FHL2: variants seen among roughly 807,000 people sequenced by gnomAD.
FHL2 encodes four and a half LIM domains protein 2.
A neutral mutation model predicts 32.7 loss-of-function variants in FHL2; 20 were observed. The observed-to-expected ratio is 0.61, with a 90% CI of 0.43 to 0.89. The LOEUF (loss-of-function observed/expected upper bound fraction) is 0.89. Among genes scored for constraint, FHL2 ranks in the 40% least tolerant of loss-of-function variants. The pLI is 0.00. For synonymous variants in FHL2, 123 were observed against 128.1 expected, an observed-to-expected ratio of 0.96 and a Z score of 0.27; for missense variants, 311 against 358.6, an observed-to-expected ratio of 0.87 and a Z score of 1.07.
chr2:105,393,894 A>G (rs537230721), intron 2 of FHL2, among the ~76,000 whole-genome samples: 1 of 152,198 alleles, frequency 6.6e-6, no homozygotes, highest in Non-Finnish European at 1.5e-5. Context: ...TCCCATGTGA[A>G]CACACAGCTG....
chr2:105,374,283 G>A, intron 3 of FHL2: 1 of 157,124 alleles, frequency 6.4e-6, no homozygotes, highest in Non-Finnish European at 1.4e-5. Flanking sequence ...GCTGGGGGAG[G>A]AAGGGAATTT....
intron 1 of FHL2, among the ~76,000 whole-genome samples, chr2:105,411,559 T>G (rs542551079): frequency 1.0e-3 from 149 of 147,582 alleles, no homozygotes; most frequent in Non-Finnish European, 9.2e-4. Flanking sequence ...TTTTTTTTTT[T>G]TTTTTGACTT....
chr2:105,418,937 C>T (rs1444399277), intron 1 of FHL2, among the ~76,000 whole-genome samples: 1 of 152,128 alleles, frequency 6.6e-6, no homozygotes, highest in Non-Finnish European at 1.5e-5. Flanking sequence ...CAGGAAAAAA[C>T]ATAGTATATG....
At chr2:105,399,476 T>G, upstream of FHL2, 1 of 1,536,174 alleles carries the variant, frequency 6.5e-7, no homozygotes, top group Non-Finnish European at 8.7e-7. Flanking sequence ...GGGATATATT[T>G]GCAAGGTGGA....
chr2:105,399,044 G>T lies in FHL2; in HGVS notation c.-278C>A. The T allele has an allele frequency of 6.7e-7, 1 of 1,496,862 alleles. No homozygotes were observed. Among genetic ancestry groups the T allele is most frequent in the South Asian group, 1.3e-5 (1 of 78,250 alleles). 92.7% of individuals were successfully genotyped at this position (1,496,862 alleles called of 1,614,324 possible). On this transcript the variant is annotated 5_prime_UTR_variant, in exon 1 of 7. Coordinates refer to ENST00000530340, the MANE Select transcript of FHL2 (RefSeq NM_001318895.3). ...GGCTGGTGGCTGCGGCTCCGCTGCC[G>T]GCCGAGTGGAGCGCTGCGCAGCTCC...
At chr2:105,411,214 C>T (rs1274220859) in intron 1 of FHL2, among the ~76,000 whole-genome samples, 2 of 152,172 alleles carry the variant, frequency 1.3e-5, no homozygotes, top group Admixed American at 6.5e-5. Context: ...CAGACTGACA[C>T]CCACTGCGTC....
In FHL2 at chr2:105,407,708, A is replaced by G. The variant is rs953845838; in HGVS notation, c.-24-21168T>C. ...AAAATGAGGCTGCAGGGAAGTGTGC[A>G]TGTGGACGTTCTTGGGATGGTGCTT... On this transcript the variant is annotated intron_variant, in intron 1 of 5. Coordinates refer to the FHL2 transcript ENST00000393352. 3.3e-5 allele frequency among the ~76,000 whole-genome samples: 5 copies of G among 152,286 alleles called. No individual in the cohort carries two copies. In the East Asian group the frequency reaches 9.6e-4, roughly 29 times the overall value.
chr2:105,408,961 C>T (rs1292576573), intron 1 of FHL2, among the ~76,000 whole-genome samples: 1 of 152,056 alleles, frequency 6.6e-6, no homozygotes, highest in Non-Finnish European at 1.5e-5. Flanking sequence ...AGAGGGGAGA[C>T]CAGGCTGAGC....
intron 4 of FHL2, among the ~76,000 whole-genome samples, chr2:105,373,182 A>T (rs1396658764): frequency 6.6e-6 from 1 of 152,258 alleles, no homozygotes; most frequent in Non-Finnish European, 1.5e-5. Flanking sequence ...CACCATGCAC[A>T]CTTGGTGAAA....
intron 1 of FHL2, among the ~76,000 whole-genome samples, chr2:105,427,120 G>A (rs926289839): frequency 6.6e-6 from 1 of 152,014 alleles, no homozygotes; most frequent in Non-Finnish European, 1.5e-5. Context: ...CTGCAAAGAT[G>A]GTTTATAGCA....
chr2:105,427,813 C>A (rs772331116), intron 1 of FHL2, among the ~76,000 whole-genome samples: 1 of 152,106 alleles, frequency 6.6e-6, no homozygotes, highest in Non-Finnish European at 1.5e-5. Flanking sequence ...AAGGGACCCC[C>A]TCTGACAGGG....
chr2:105,402,074 T>C (rs1054723881), upstream of FHL2, among the ~76,000 whole-genome samples: 14 of 149,490 alleles, frequency 9.4e-5, no homozygotes, highest in East Asian at 7.8e-4. Flanking sequence ...TACATATACA[T>C]GTATATATGT....
intron 1 of FHL2, among the ~76,000 whole-genome samples, chr2:105,398,080 C>T (rs1388844581): frequency 6.6e-6 from 1 of 151,892 alleles, no homozygotes; most frequent in Non-Finnish European, 1.5e-5. Flanking sequence ...GAAGGGAGTG[C>T]GGGCCTTAAG....
chr2:105,396,945 T>C, intron 1 of FHL2: 1 of 454,788 alleles, frequency 2.2e-6, no homozygotes, highest in South Asian at 3.5e-5. Context: ...GCTGCCTGAG[T>C]CACTGAGGCT....
chr2:105,367,036 A>G (rs1338485448), intron 5 of FHL2, among the ~76,000 whole-genome samples: 1 of 152,238 alleles, frequency 6.6e-6, no homozygotes, highest in Non-Finnish European at 1.5e-5. Flanking sequence ...GGCCTCCCAC[A>G]GTGCTGGGAT....
chr2:105,438,459 C>T (rs1342689301), exon 1 of FHL2: 2 of 985,504 alleles, frequency 2.0e-6, no homozygotes, highest in Admixed American at 6.1e-5. Context: ...AGCTGCTGTG[C>T]AGGCGGACTG....
At chr2:105,424,198 C>T (rs1684189587) in intron 1 of FHL2, among the ~76,000 whole-genome samples, 1 of 152,096 alleles carries the variant, frequency 6.6e-6, no homozygotes, top group Admixed American at 6.6e-5. Context: ...CAAACAACCC[C>T]ATCAAAAAGT....
chr2:105,402,668 T>C (rs1683511128), upstream of FHL2, among the ~76,000 whole-genome samples: 1 of 152,138 alleles, frequency 6.6e-6, no homozygotes, highest in Non-Finnish European at 1.5e-5. Context: ...AGGAGGGGAA[T>C]GCAATTTCTG....
At chr2:105,380,214 T>C (rs1172088692) in intron 3 of FHL2, among the ~76,000 whole-genome samples, 1 of 152,138 alleles carries the variant, frequency 6.6e-6, no homozygotes, top group Admixed American at 6.5e-5. Flanking sequence ...GCCACACGAT[T>C]CCCTAGAGCT....
Sources: gnomAD v4.1 joint callset for allele counts (sites outside exome capture counted in the v4.1 genomes callset) on GRCh38, gnomAD v4.1.1 for gene constraint, MANE v1.5 for transcripts, NCBI Gene and HGNC (gene_info 2026-07-23, HGNC 2026-07-21) for gene names.